Variants in TRAF3 observed in about 807,000 individuals in gnomAD.
The protein encoded by TRAF3 is TNF receptor associated factor 3.
A neutral mutation model predicts 62.3 loss-of-function variants in TRAF3; 13 were observed. The ratio of observed to expected loss-of-function variants is 0.21; its 90% CI spans 0.14 to 0.33. The LOEUF is 0.33. TRAF3 is among the 10% of genes least tolerant of loss of function. The probability of loss-of-function intolerance (pLI) is 1.00; values close to 1 mark genes in which losing one functional copy is unlikely to be tolerated. For missense variants in TRAF3, 440 were observed against 741.8 expected (o/e 0.59, Z 4.73); for synonymous variants, 269 against 283.4 (o/e 0.95, Z 0.51).
At chr14:102,894,524 T>C (rs1889898661) in intron 9 of TRAF3, among the ~76,000 whole-genome samples, 1 of 152,094 alleles carries the variant, frequency 6.6e-6, no homozygotes, top group Non-Finnish European at 1.5e-5. Flanking sequence ...GCCGGCTCCT[T>C]GGAACACACC....
intron 1 of TRAF3, among the ~76,000 whole-genome samples, chr14:102,805,006 G>A (rs1368154558): frequency 6.6e-6 from 1 of 152,142 alleles, no homozygotes; most frequent in Non-Finnish European, 1.5e-5. Flanking sequence ...ACCTTCCCTG[G>A]ACGTAGAAGA....
intron 1 of TRAF3, among the ~76,000 whole-genome samples, chr14:102,829,569 T>C (rs1900533926): frequency 1.3e-5 from 2 of 152,340 alleles, no homozygotes; most frequent in African/African-American, 4.8e-5. Flanking sequence ...CAATGCATGA[T>C]GTCTCCAAAA....
chr14:102,839,716 T>C (rs1886262420), intron 2 of TRAF3, among the ~76,000 whole-genome samples: 1 of 152,240 alleles, frequency 6.6e-6, no homozygotes, highest in Admixed American at 6.5e-5. Flanking sequence ...ATTTATTTAG[T>C]AATTAGAAGA....
At chr14:102,897,946 C>T (rs560386609) in intron 10 of TRAF3, among the ~76,000 whole-genome samples, 4 of 152,352 alleles carry the variant, frequency 2.6e-5, no homozygotes, top group African/African-American at 9.6e-5. Context: ...TGTCGCTTCT[C>T]CTGTCTTCTG....
At chr14:102,835,438 A>C (rs1885940856) in intron 2 of TRAF3, among the ~76,000 whole-genome samples, 1 of 152,210 alleles carries the variant, frequency 6.6e-6, no homozygotes, top group Non-Finnish European at 1.5e-5. Context: ...TACCATAAAG[A>C]TATGTACACA....
chr14:102,861,893 T>A (rs1887699658), intron 2 of TRAF3, among the ~76,000 whole-genome samples: 1 of 152,188 alleles, frequency 6.6e-6, no homozygotes, highest in Non-Finnish European at 1.5e-5. Context: ...TAAAATTGGG[T>A]TGTCTTTTTG....
Position 102,906,116 on chromosome 14 carries a change from A to G in TRAF3, c.*332A>G, listed in dbSNP as rs908312427. On this transcript the variant is annotated 3_prime_UTR_variant, in exon 12 of 12. Transcript: ENST00000392745. ...AAAAGAAACATGATTTTTCTTCCTT[A>G]AACTTGAACACCAAAAAAACACACA... 1 of 225,454 alleles carries G rather than the reference A, an allele frequency of 4.4e-6. No individual in the cohort carries two copies. Among genetic ancestry groups the G allele is most frequent in the African/African-American group, 2.3e-5 (1 of 44,186 alleles). 14.0% of individuals were successfully genotyped at this position (225,454 alleles called of 1,614,324 possible).
intron 6 of TRAF3, among the ~76,000 whole-genome samples, chr14:102,882,606 C>T (rs1363886579): frequency 1.4e-5 from 2 of 147,284 alleles, no homozygotes; most frequent in Admixed American, 6.8e-5. Context: ...TTATTCTCAT[C>T]CCCTGAGGCC....
At chr14:102,876,228 C>G (rs1888639069) in intron 5 of TRAF3, 130 bp from the exon 6 acceptor site, 2 of 904,892 alleles carry the variant, frequency 2.2e-6, no homozygotes, top group Admixed American at 4.1e-5. Context: ...TTACTCTTTG[C>G]TGTGGAAAAC....
rs868310893 is a variant in TRAF3, at chr14:102,811,347, G to A, written c.-156-18987G>A. On this transcript the variant is annotated intron_variant, in intron 1 of 11. Coordinates refer to ENST00000392745, the MANE Select transcript of TRAF3 (RefSeq NM_145725.3). ...AGAGTCTTGCTATGTTGCCTCAGGCGGGAGTGCAGTGGCTATTCACAGGTG... is the reference window on the plus strand; with the variant it reads ...AGAGTCTTGCTATGTTGCCTCAGGCAGGAGTGCAGTGGCTATTCACAGGTG... Among the ~76,000 whole-genome samples the A allele has an allele frequency of 3.4e-4, 52 of 151,104 alleles. No homozygotes were observed. The Middle Eastern group carries it at 0.017, about 49-fold the overall frequency.
rs139912083 is a variant in TRAF3, at chr14:102,881,653, G to A, written c.571-4536G>A. 3.4e-3 allele frequency among the ~76,000 whole-genome samples: 512 copies of A among 152,302 alleles called. 4 individuals are homozygous for A. The highest frequency in any genetic ancestry group is 0.012 in the African/African-American group (495 of 41,566). On this transcript the variant is annotated intron_variant, in intron 6 of 11. Coordinates refer to ENST00000392745, the MANE Select transcript of TRAF3 (RefSeq NM_145725.3). ...TGCGGGGCTTAATAATACCTAGGTG[G>A]TGGGTTGATCTGTGCAGCAAACCAC...
intron 2 of TRAF3, among the ~76,000 whole-genome samples, chr14:102,863,714 A>G (rs1308725811): frequency 6.6e-6 from 1 of 152,212 alleles, no homozygotes; most frequent in Non-Finnish European, 1.5e-5. Flanking sequence ...TTTTGGTTAA[A>G]TCTATTGTTT....
chr14:102,874,091 C>T (rs996635037), intron 4 of TRAF3, among the ~76,000 whole-genome samples: 1 of 152,128 alleles, frequency 6.6e-6, no homozygotes, highest in Non-Finnish European at 1.5e-5. Flanking sequence ...GAGACCCCAT[C>T]TCTACAAAAA....
intron 6 of TRAF3, among the ~76,000 whole-genome samples, chr14:102,880,201 G>GGAAT (rs1281498288): frequency 1.1e-4 from 17 of 152,294 alleles, no homozygotes; most frequent in African/African-American, 4.1e-4. Flanking sequence ...CCTCCAGGCT[G>GGAAT]TGCATAATGG....
chr14:102,895,770 C>T (rs1364827384), intron 9 of TRAF3, among the ~76,000 whole-genome samples: 1 of 152,188 alleles, frequency 6.6e-6, no homozygotes, highest in Non-Finnish European at 1.5e-5. Context: ...AGCTAATTAT[C>T]TTTCAGAAAG....
At position 102,907,233 on chromosome 14, in the gene TRAF3, C is replaced by T. The variant is rs1734648430; in HGVS notation, c.*1449C>T. The T allele has an allele frequency of 6.6e-6, 1 of 152,258 alleles. No individual in the cohort carries two copies. The highest frequency in any genetic ancestry group is 1.5e-5 in the Non-Finnish European group (1 of 68,064). The allele number at this position is 152,258 out of a possible 1,614,324, so 9.4% of individuals were successfully genotyped here. A position where few individuals can be genotyped will look rare whatever the true frequency, so the allele number is the denominator to read the frequency against. The stretch of plus-strand genomic sequence containing the variant: ...CCGGGGCCGTGGGCACCCCCACAGC[C>T]CGAAGCAGAACCCTCTGAGCATTCC... On this transcript the variant is annotated 3_prime_UTR_variant, in exon 12 of 12. Coordinates refer to ENST00000392745, the MANE Select transcript of TRAF3 (RefSeq NM_145725.3).
intron 1 of TRAF3, among the ~76,000 whole-genome samples, chr14:102,794,424 C>T (rs1897961861): frequency 6.6e-6 from 1 of 152,216 alleles, no homozygotes. Flanking sequence ...TTCAAACGAT[C>T]CTCCCACCTT....
Position 102,792,251 on chromosome 14 carries a change from G to A in TRAF3, c.-157+14576G>A, listed in dbSNP as rs550200602. 3.4e-5 allele frequency among the ~76,000 whole-genome samples: 5 copies of A among 148,262 alleles called. 1 individual carries two copies. The East Asian group carries it at 6.2e-4, about 18-fold the overall frequency. On this transcript the variant is annotated intron_variant, in intron 1 of 11. Coordinates refer to ENST00000392745, the MANE Select transcript of TRAF3 (RefSeq NM_145725.3). Reference sequence around the variant, plus strand: ...GCAGTGCTCCTTCTTTAGCCTCCCCGGTAGCTGGGACTACTATAGGTGCAA... The same window carrying A: ...GCAGTGCTCCTTCTTTAGCCTCCCCAGTAGCTGGGACTACTATAGGTGCAA...
chr14:102,830,236 A>G (rs138036267), intron 1 of TRAF3, 98 bp from the exon 2 acceptor site: 121 of 152,378 alleles, frequency 7.9e-4, no homozygotes, highest in African/African-American at 2.7e-3. Context: ...GAGCTTGAGG[A>G]TAGACTGGCC....
Sources: gnomAD v4.1 joint callset for allele counts (sites outside exome capture counted in the v4.1 genomes callset) on GRCh38, gnomAD v4.1.1 for gene constraint, MANE v1.5 for transcripts, NCBI Gene and HGNC (gene_info 2026-07-23, HGNC 2026-07-21) for gene names.